The following NAP1L4 variants were observed in gnomAD, a reference collection of about 807,000 sequenced individuals.
NAP1L4 encodes the protein nucleosome assembly protein 1-like 4.
In NAP1L4, 15 loss-of-function variants were observed where a neutral mutation model predicts 58.2. That is an observed-to-expected ratio of 0.26 (90% CI 0.17 to 0.40). The LOEUF (loss-of-function observed/expected upper bound fraction) is 0.40. Ranked by LOEUF, NAP1L4 falls within the 10% of genes least tolerant of loss-of-function variation. The probability of loss-of-function intolerance (pLI) is 1.00; values close to 1 mark genes in which losing one functional copy is unlikely to be tolerated. For missense variants in NAP1L4, 384 were observed against 451.1 expected, an observed-to-expected ratio of 0.85 and a Z score of 1.35; for synonymous variants, 171 against 155.6, an observed-to-expected ratio of 1.10 and a Z score of -0.74.
At position 2,954,387 on chromosome 11, in the gene NAP1L4, C is replaced by G. The variant is rs750349203; in HGVS notation, c.1035+140G>C. 3.3e-6 allele frequency: 4 copies of G among 1,222,622 alleles called. No homozygotes were observed. The South Asian group carries it at 5.1e-5, about 16-fold the overall frequency. 75.7% of individuals were successfully genotyped at this position (1,222,622 alleles called of 1,614,324 possible). On this transcript the variant is annotated intron_variant, in intron 12 of 15. Coordinates refer to ENST00000380542, the MANE Select transcript of NAP1L4 (RefSeq NM_005969.4). The surrounding 1 kb of genome is among the most constrained non-coding windows in gnomAD (Gnocchi z 4.8). ...AAGCGTATTCCCCCCACAACAAGGACAGCAGCTTGGACTACATATCTGGCT... is the reference window on the plus strand; with the variant it reads ...AAGCGTATTCCCCCCACAACAAGGAGAGCAGCTTGGACTACATATCTGGCT...
At chr11:2,969,009 T>G (rs76085693) in intron 7 of NAP1L4, among the ~76,000 whole-genome samples, 1 of 58,454 alleles carries the variant, frequency 1.7e-5, no homozygotes, top group Non-Finnish European at 3.0e-5. Context: ...TTTTTTTTTT[T>G]GGAGACAGGG....
At chr11:2,974,665 G>A (rs995534132) in intron 4 of NAP1L4, among the ~76,000 whole-genome samples, 1 of 152,182 alleles carries the variant, frequency 6.6e-6, no homozygotes, top group East Asian at 1.9e-4. Flanking sequence ...GGAGGCCAAG[G>A]TGGGCAGATC....
chr11:2,991,150 G>A (rs1250154404), intron 1 of NAP1L4: 1 of 456,370 alleles, frequency 2.2e-6, no homozygotes. Context: ...CACCCAGGCA[G>A]GTGATGTGAC....
At chr11:2,982,341 T>C (rs915008459) in intron 1 of NAP1L4, among the ~76,000 whole-genome samples, 1 of 152,198 alleles carries the variant, frequency 6.6e-6, no homozygotes, top group African/African-American at 2.4e-5. Flanking sequence ...GCACCTTCCT[T>C]ACCCCACACA....
rs1375406179 is a variant in NAP1L4, at chr11:2,971,540, T to C, written c.316-6A>G. On this transcript the variant is annotated splice_polypyrimidine_tract_variant and splice_region_variant and intron_variant, in intron 5 of 15. Transcript: ENST00000380542. The surrounding 1 kb of genome is among the most constrained non-coding windows in gnomAD (Gnocchi z 4.2). ...CCGGTGATAAATTCTCTTCTCTACA[T>C]AAAAATGAGACCTTATTAGAATTAT... is the stretch of plus-strand genomic sequence containing the variant. The C allele has an allele frequency of 2.5e-6, 4 of 1,611,158 alleles. No individual in the cohort carries two copies. The highest frequency in any genetic ancestry group is 3.4e-6 in the Non-Finnish European group (4 of 1,178,384).
intron 10 of NAP1L4, 104 bp downstream of exon 10, chr11:2,958,295 G>T: frequency 2.5e-6 from 3 of 1,216,186 alleles, no homozygotes; most frequent in Non-Finnish European, 2.4e-6. Context: ...GACCACACTT[G>T]CCTGAAAAAA....
chr11:2,967,364 G>T (rs983590100), intron 7 of NAP1L4, among the ~76,000 whole-genome samples: 1 of 152,196 alleles, frequency 6.6e-6, no homozygotes, highest in Non-Finnish European at 1.5e-5. Flanking sequence ...TGTAATCCCA[G>T]CACTTTGGGA....
intron 2 of NAP1L4, 95 bp downstream of exon 2, chr11:2,979,112 T>A: frequency 7.6e-7 from 1 of 1,311,750 alleles, no homozygotes; most frequent in Non-Finnish European, 1.1e-6. Context: ...TGAAATGCAT[T>A]TAACTTTGAT....
rs1463082378 is a variant in NAP1L4 at position 2,951,158 on chromosome 11, A to C, written c.1122+101T>G. 1.1e-6 allele frequency: 1 copy of C among 870,328 alleles called. No homozygotes were observed. Among genetic ancestry groups the C allele is most frequent in the African/African-American group, 1.7e-5 (1 of 59,098 alleles). 53.9% of individuals were successfully genotyped at this position (870,328 alleles called of 1,614,324 possible). Reference sequence around the variant, plus strand: ...ATTTTAAACTTTCTAATTAGGGAATAATGAATATTGTTAACACTACTGCCT... The same window carrying C: ...ATTTTAAACTTTCTAATTAGGGAATCATGAATATTGTTAACACTACTGCCT... On this transcript the variant is annotated intron_variant, in intron 14 of 15. Transcript: ENST00000380542. This position sits in a 1 kb window ranked among gnomAD's most constrained non-coding sequence, Gnocchi z 4.0.
At chr11:2,977,378 C>T (rs965504463) in intron 3 of NAP1L4, among the ~76,000 whole-genome samples, 4 of 152,226 alleles carry the variant, frequency 2.6e-5, no homozygotes, top group African/African-American at 7.2e-5. Flanking sequence ...ACCACTGCAT[C>T]ATGTTACCTG....
Position 2,959,710 on chromosome 11 carries a change from G to C in NAP1L4, c.746+60C>G. The stretch of plus-strand genomic sequence containing the variant: ...TCCTTACTTCTATCTTACCCATCAA[G>C]TTACAAAATTATCTTTTGATTTTGT... On this transcript the variant is annotated intron_variant, in intron 9 of 15. Coordinates refer to ENST00000380542, the MANE Select transcript of NAP1L4 (RefSeq NM_005969.4). The surrounding 1 kb of genome is among the most constrained non-coding windows in gnomAD (Gnocchi z 4.9). 2 of 1,595,818 alleles carry C rather than the reference G, an allele frequency of 1.3e-6. No homozygotes were observed. Among genetic ancestry groups the C allele is most frequent in the Non-Finnish European group, 1.7e-6 (2 of 1,167,968 alleles).
chr11:2,948,782 T>C lies in NAP1L4; in HGVS notation c.*32+445A>G, dbSNP rs773072968. The stretch of plus-strand genomic sequence containing the variant: ...GCACAAAACATGAATTCAAAAAGTA[T>C]AGATATTCAACAGACACGTGTTGGT... On this transcript the variant is annotated intron_variant, in intron 15 of 15. Transcript: ENST00000380542. The surrounding 1 kb of genome is among the most constrained non-coding windows in gnomAD (Gnocchi z 5.1). Among the ~76,000 whole-genome samples the C allele has an allele frequency of 5.3e-5, 8 of 152,226 alleles. No homozygotes were observed. Among genetic ancestry groups the C allele is most frequent in the South Asian group, 2.1e-4 (1 of 4,836 alleles).
chr11:2,944,842 G>A lies in NAP1L4; in HGVS notation c.*837C>T, dbSNP rs1262333206. The A allele has an allele frequency of 2.0e-5, 3 of 152,266 alleles. No individual in the cohort carries two copies. Among genetic ancestry groups the A allele is most frequent in the African/African-American group, 7.2e-5 (3 of 41,474 alleles). 9.4% of individuals were successfully genotyped at this position (152,266 alleles called of 1,614,324 possible). On this transcript the variant is annotated 3_prime_UTR_variant, in exon 16 of 16. Coordinates refer to ENST00000380542, the MANE Select transcript of NAP1L4 (RefSeq NM_005969.4). Reference sequence around the variant, plus strand: ...CTCGCATCTTCAGCCCTGGTGGCAGGGAGCGGCGTTTCTTCCGCACAGGCC... The same window carrying A: ...CTCGCATCTTCAGCCCTGGTGGCAGAGAGCGGCGTTTCTTCCGCACAGGCC...
At chr11:2,950,680 C>A (rs1338839412) in intron 14 of NAP1L4, among the ~76,000 whole-genome samples, 1 of 152,210 alleles carries the variant, frequency 6.6e-6, no homozygotes, top group East Asian at 1.9e-4. Flanking sequence ...TCTGAGACCA[C>A]AAATAAAAAT....
intron 1 of NAP1L4, among the ~76,000 whole-genome samples, chr11:2,984,135 C>T (rs1313682165): frequency 1.4e-5 from 2 of 143,706 alleles, no homozygotes; most frequent in African/African-American, 5.2e-5. Flanking sequence ...CCACTGAACT[C>T]CAGCCTGGAC....
chr11:2,960,415 A>G (rs1846810623), intron 8 of NAP1L4, among the ~76,000 whole-genome samples: 1 of 152,138 alleles, frequency 6.6e-6, no homozygotes, highest in South Asian at 2.1e-4. Context: ...ACAAATCTCT[A>G]CAAGGACAGA....
At chr11:2,984,565 CTG>C (rs1172652429) in intron 1 of NAP1L4, among the ~76,000 whole-genome samples, 2 of 152,184 alleles carry the variant, frequency 1.3e-5, no homozygotes, top group Non-Finnish European at 2.9e-5. Flanking sequence ...GAGCGAAACT[CTG>C]TCTCAAAAAA....
intron 7 of NAP1L4, among the ~76,000 whole-genome samples, chr11:2,967,312 A>C (rs941685317): frequency 2.0e-5 from 3 of 152,044 alleles, no homozygotes; most frequent in African/African-American, 4.8e-5. Context: ...TCAAAACCAG[A>C]CATTAAAAAA....
chr11:2,946,616 C>T lies in NAP1L4; in HGVS notation c.*33-970G>A, dbSNP rs915725098. On this transcript the variant is annotated intron_variant, in intron 15 of 15. Transcript: ENST00000380542. This position sits in a 1 kb window ranked among gnomAD's most constrained non-coding sequence, Gnocchi z 4.8. ...GGGTTACCATAAATGATATCTTCCACAGTATAAGCTGAGGCTACAGTTCAT... is the reference window on the plus strand; with the variant it reads ...GGGTTACCATAAATGATATCTTCCATAGTATAAGCTGAGGCTACAGTTCAT... Among the ~76,000 whole-genome samples the T allele has an allele frequency of 3.3e-5, 5 of 152,164 alleles. No individual in the cohort carries two copies. Among genetic ancestry groups the T allele is most frequent in the Non-Finnish European group, 5.9e-5 (4 of 68,032 alleles).
Sources: allele counts gnomAD v4.1 joint callset (sites outside exome capture counted in the v4.1 genomes callset), GRCh38; gene constraint gnomAD v4.1.1; non-coding constraint Gnocchi (gnomAD v3.1); transcripts MANE v1.5; gene names NCBI Gene and HGNC (gene_info 2026-07-23, HGNC 2026-07-21).